Variants in NEK4 observed in about 807,000 individuals in gnomAD.
NEK4 encodes NIMA related kinase 4.
NEK4 carries 86 observed loss-of-function variants against 98.4 expected under a neutral mutation model. That is an observed-to-expected ratio of 0.87 (90% CI 0.73 to 1.05). NEK4 has a LOEUF of 1.05. Ranked by LOEUF, NEK4 falls within the 50% of genes least tolerant of loss-of-function variation. NEK4 has a pLI of 0.00. For synonymous variants in NEK4, 328 were observed against 342.2 expected (o/e 0.96, Z 0.46); for missense variants, 898 against 950.3 (o/e 0.94, Z 0.72).
At chr3:52,740,888 T>C (rs2097384628) in intron 13 of NEK4, among the ~76,000 whole-genome samples, 1 of 151,562 alleles carries the variant, frequency 6.6e-6, no homozygotes, top group Non-Finnish European at 1.5e-5. Context: ...CTAATATACA[T>C]GTAATTGGAA....
rs71087016 is a variant in NEK4 at position 52,752,900 on chromosome 3, C to CAAAAAAAAAAAAAAAAAA, written c.964-582_964-565dup. Among the ~76,000 whole-genome samples, 38 of 49,874 alleles carry CAAAAAAAAAAAAAAAAAA rather than the reference C, an allele frequency of 7.6e-4. 7 individuals are homozygous for CAAAAAAAAAAAAAAAAAA. The highest frequency in any genetic ancestry group is 1.2e-3 in the Admixed American group (4 of 3,308). The allele number at this position is 49,874 out of a possible 152,430, so 32.7% of individuals were successfully genotyped here. A position where few individuals can be genotyped will look rare whatever the true frequency, so the allele number is the denominator to read the frequency against. ...GGGCAACAGGAGTGAAACCCTGCCT[C>CAAAAAAAAAAAAAAAAAA]AAAAAAAAAAAAAAAAAATATATAT... On this transcript the variant is annotated intron_variant, in intron 6 of 15. Transcript: ENST00000233027.
intron 15 of NEK4, among the ~76,000 whole-genome samples, chr3:52,731,918 G>A (rs1262782740): frequency 1.3e-5 from 2 of 152,302 alleles, no homozygotes; most frequent in South Asian, 2.1e-4. Context: ...TCTCATGATA[G>A]TGAGTAAGTC....
intron 6 of NEK4, among the ~76,000 whole-genome samples, chr3:52,760,145 A>G (rs532976954): frequency 6.6e-6 from 1 of 152,312 alleles, no homozygotes; most frequent in South Asian, 2.1e-4. Context: ...CATAGAAGTG[A>G]CGGTTGCACT....
At chr3:52,747,033 T>C in intron 8 of NEK4, 129 bp from the exon 9 acceptor site, 1 of 675,156 alleles carries the variant, frequency 1.5e-6, no homozygotes. Flanking sequence ...TAAAAACTGG[T>C]TTCCATATTG....
At chr3:52,764,762 GCACACACACACACATGCACACACA>G (rs1337921638) in intron 4 of NEK4, among the ~76,000 whole-genome samples, 1 of 122,720 alleles carries the variant, frequency 8.1e-6, no homozygotes, top group Non-Finnish European at 1.6e-5. Context: ...GCGTGCGCAT[GCACACACACACACATGCACACACA>G]CACACACACA....
At chr3:52,766,468 TAG>T (rs1698564116) in intron 2 of NEK4, 93 bp from the exon 3 acceptor site, 1 of 894,002 alleles carries the variant, frequency 1.1e-6, no homozygotes, top group Non-Finnish European at 1.7e-6. Flanking sequence ...TGGCATGAGT[TAG>T]AGTCTTTGAC....
chr3:52,749,782 A>T lies in NEK4; in HGVS notation c.1416T>A (p.Ala472=). 2 of 188,548 alleles carry T rather than the reference A, an allele frequency of 1.1e-5. No homozygotes were observed. Among genetic ancestry groups the T allele is most frequent in the South Asian group, 1.3e-4 (2 of 15,668 alleles). The allele number at this position is 188,548 out of a possible 1,614,324, so 11.7% of individuals were successfully genotyped here. The change falls in exon 8 of 16, where the codon GCT becomes GCA. Residue 472 remains alanine, a synonymous_variant. Coordinates refer to ENST00000233027, the MANE Select transcript of NEK4 (RefSeq NM_003157.6). Reference sequence around the variant, plus strand: ...AACCCAGGAGGCGGAGGTTGCTGTGAGCCAAGATTGTGCCACTGCACTCCA... The same window carrying T: ...AACCCAGGAGGCGGAGGTTGCTGTGTGCCAAGATTGTGCCACTGCACTCCA... ...PKLECSGTIL[A]HSNLRLLGSS...
Position 52,745,922 on chromosome 3 carries a change from T to C in NEK4, c.1827+139A>G, listed in dbSNP as rs889029047. The C allele has an allele frequency of 4.0e-6, 3 of 746,198 alleles. No homozygotes were observed. In the African/African-American group the frequency reaches 5.3e-5, roughly 13 times the overall value. The allele number at this position is 746,198 out of a possible 1,614,324, so 46.2% of individuals were successfully genotyped here. Reference sequence around the variant, plus strand: ...ATTTTTTGTAGAGACAAGGTCTCACTATATTGCCCAGGCCAGTCTTGAACT... The same window carrying C: ...ATTTTTTGTAGAGACAAGGTCTCACCATATTGCCCAGGCCAGTCTTGAACT... On this transcript the variant is annotated intron_variant, in intron 10 of 15. Transcript: ENST00000233027.
intron 15 of NEK4, among the ~76,000 whole-genome samples, chr3:52,729,974 G>A (rs1372139715): frequency 6.6e-6 from 1 of 152,128 alleles, no homozygotes; most frequent in Non-Finnish European, 1.5e-5. Context: ...TGGGTGTGGT[G>A]GCGTGTGCCT....
intron 1 of NEK4, 64 bp downstream of exon 1, chr3:52,770,590 C>T (rs1397986157): frequency 3.1e-6 from 4 of 1,298,994 alleles, no homozygotes; most frequent in South Asian, 2.5e-5. Context: ...CCTAATCTAC[C>T]GGTCGGCGCC....
intron 5 of NEK4, 111 bp from the exon 6 acceptor site, chr3:52,761,047 T>C (rs1698337721): frequency 1.5e-5 from 10 of 671,100 alleles, no homozygotes; most frequent in South Asian, 1.4e-4. Context: ...AACTGCACCA[T>C]TTATAGAGAA....
chr3:52,745,575 C>T (rs112860674), intron 10 of NEK4, among the ~76,000 whole-genome samples: 68,706 of 150,480 alleles, frequency 0.46, 15,980 homozygotes, highest in Admixed American at 0.52. Context: ...CGAGACTCCA[C>T]CTCAAAAAAA....
At chr3:52,758,178 C>CAAAAAAA (rs35117059) in intron 6 of NEK4, among the ~76,000 whole-genome samples, 70 of 62,748 alleles carry the variant, frequency 1.1e-3, no homozygotes, top group African/African-American at 2.2e-3. Flanking sequence ...GACACCATCT[C>CAAAAAAA]AAAAAAAAAA....
intron 15 of NEK4, among the ~76,000 whole-genome samples, chr3:52,731,266 T>C (rs1354310826): frequency 1.3e-5 from 2 of 152,232 alleles, no homozygotes; most frequent in Non-Finnish European, 2.9e-5. Context: ...CTTTTCTTTC[T>C]TCTCTCAATT....
chr3:52,761,347 C>G (rs143498250), intron 5 of NEK4, among the ~76,000 whole-genome samples: 1 of 152,280 alleles, frequency 6.6e-6, no homozygotes, highest in African/African-American at 2.4e-5. Context: ...GGCGTGATCT[C>G]AGCTCACTGC....
chr3:52,724,783 C>T (rs539144941), intron 15 of NEK4, among the ~76,000 whole-genome samples: 1 of 152,228 alleles, frequency 6.6e-6, no homozygotes, highest in Non-Finnish European at 1.5e-5. Context: ...TAATGTATTA[C>T]ATATTTCAAA....
chr3:52,746,279 G>A (rs2097396050), intron 9 of NEK4, 69 bp from the exon 10 acceptor site: 4 of 1,433,420 alleles, frequency 2.8e-6, no homozygotes, highest in African/African-American at 2.8e-5. Flanking sequence ...CTATCAGCAG[G>A]TTCTCTATGT....
chr3:52,760,718 C>T (rs1244092840), intron 6 of NEK4, 77 bp downstream of exon 6: 1 of 959,784 alleles, frequency 1.0e-6, no homozygotes, highest in East Asian at 2.4e-5. Flanking sequence ...AATCATTTCA[C>T]ACAAAATAAT....
At chr3:52,728,097 G>T (rs1235717905) in intron 15 of NEK4, among the ~76,000 whole-genome samples, 1 of 152,166 alleles carries the variant, frequency 6.6e-6, no homozygotes, top group African/African-American at 2.4e-5. Context: ...AAGGTGCCAG[G>T]CATGGTAGCT....
Sources: allele counts gnomAD v4.1 joint callset (sites outside exome capture counted in the v4.1 genomes callset), GRCh38; gene constraint gnomAD v4.1.1; transcripts MANE v1.5; gene names NCBI Gene and HGNC (gene_info 2026-07-23, HGNC 2026-07-21).